SLC12A2: variants seen among roughly 807,000 people sequenced by gnomAD.
SLC12A2 encodes Na-K-2Cl cotransporter 1.
In SLC12A2, 67 loss-of-function variants were observed where a neutral mutation model predicts 136.3. That is an observed-to-expected ratio of 0.49 (90% confidence interval 0.40 to 0.60). The LOEUF is 0.60. SLC12A2 is among the 20% of genes least tolerant of loss of function. The pLI is 0.00. For synonymous variants in SLC12A2, 619 were observed against 562.9 expected (o/e 1.10, Z -1.41); for missense variants, 1,322 against 1,534.7 (o/e 0.86, Z 2.32).
At chr5:128,164,296 T>C (rs1763134294) in intron 17 of SLC12A2, among the ~76,000 whole-genome samples, 1 of 152,184 alleles carries the variant, frequency 6.6e-6, no homozygotes, top group South Asian at 2.1e-4. Context: ...TAAATGATTC[T>C]TCTGTAAATT....
chr5:128,113,881 A>G (rs1761248072), intron 2 of SLC12A2, among the ~76,000 whole-genome samples: 1 of 152,206 alleles, frequency 6.6e-6, no homozygotes, highest in Non-Finnish European at 1.5e-5. Flanking sequence ...AAAAGGGAAT[A>G]TGCACTACTT....
chr5:128,150,193 G>A (rs2126721790), intron 13 of SLC12A2, 95 bp downstream of exon 13: 1 of 754,852 alleles, frequency 1.3e-6, no homozygotes, highest in Non-Finnish European at 2.3e-6. Context: ...TATGTGTGGG[G>A]TTAGTTCATT....
intron 1 of SLC12A2, chr5:128,109,553 A>T (rs1275979422): frequency 2.9e-6 from 2 of 688,364 alleles, no homozygotes; most frequent in Non-Finnish European, 5.4e-6. Flanking sequence ...GGGTGGAGAA[A>T]GGCAGCTGAG....
chr5:128,103,073 C>T (rs1016223870), intron 1 of SLC12A2, among the ~76,000 whole-genome samples: 11 of 152,262 alleles, frequency 7.2e-5, no homozygotes, highest in East Asian at 1.9e-4. Flanking sequence ...TATCTTGCTT[C>T]ATAGAAGTAT....
chr5:128,126,474 G>T (rs1761800208), intron 4 of SLC12A2, among the ~76,000 whole-genome samples: 1 of 152,110 alleles, frequency 6.6e-6, no homozygotes, highest in Non-Finnish European at 1.5e-5. Context: ...CAGTTTGGAA[G>T]TTCCTCAGAA....
At chr5:128,163,788 T>C (rs1445771061) in intron 17 of SLC12A2, among the ~76,000 whole-genome samples, 2 of 152,188 alleles carry the variant, frequency 1.3e-5, no homozygotes, top group Non-Finnish European at 1.5e-5. Context: ...TGTATGCATT[T>C]CTAAGTAATA....
At chr5:128,147,397 A>G (rs1405282410) in intron 10 of SLC12A2, among the ~76,000 whole-genome samples, 1 of 151,688 alleles carries the variant, frequency 6.6e-6, no homozygotes, top group Non-Finnish European at 1.5e-5. Flanking sequence ...TCTCTCTGCC[A>G]TTGTGTGTGT....
chr5:128,103,079 A>G (rs537873952), intron 1 of SLC12A2, among the ~76,000 whole-genome samples: 26 of 152,336 alleles, frequency 1.7e-4, no homozygotes, highest in African/African-American at 6.0e-4. Context: ...GCTTCATAGA[A>G]GTATTGTATA....
intron 4 of SLC12A2, among the ~76,000 whole-genome samples, chr5:128,121,136 A>G (rs1370578145): frequency 6.6e-6 from 1 of 152,182 alleles, no homozygotes; most frequent in African/African-American, 2.4e-5. Flanking sequence ...GATTAAACAG[A>G]TATCAATCTA....
At chr5:128,184,304 G>C in intron 24 of SLC12A2, 62 bp from the exon 25 acceptor site, 3 of 1,069,912 alleles carry the variant, frequency 2.8e-6, no homozygotes, top group Non-Finnish European at 3.9e-6. Context: ...TAATATTTAA[G>C]ATCTTCCTGT....
chr5:128,177,306 TC>T (rs1763569124), intron 21 of SLC12A2, among the ~76,000 whole-genome samples, 154 bp downstream of exon 21: 1 of 152,120 alleles, frequency 6.6e-6, no homozygotes, highest in South Asian at 2.1e-4. Context: ...TTATTATTAG[TC>T]TAACTAAAAA....
At chr5:128,169,306 A>T (rs867487876) in intron 18 of SLC12A2, 1 of 152,100 alleles carries the variant, frequency 6.6e-6, no homozygotes, top group Admixed American at 6.5e-5. Flanking sequence ...TTTTGATCTG[A>T]TCACCCTTTT....
At chr5:128,184,335 T>G (rs763693863) in intron 24 of SLC12A2, 31 bp from the exon 25 acceptor site, 1 of 1,335,194 alleles carries the variant, frequency 7.5e-7, no homozygotes, top group South Asian at 1.6e-5. Context: ...AAAATAAGAT[T>G]AGTTGTCAGT....
intron 26 of SLC12A2, among the ~76,000 whole-genome samples, 171 bp from the exon 27 acceptor site, chr5:128,186,325 A>G (rs912397945): frequency 2.0e-5 from 3 of 152,168 alleles, no homozygotes; most frequent in African/African-American, 7.2e-5. Context: ...AAGCAACACA[A>G]CTGTGGTTGT....
intron 4 of SLC12A2, among the ~76,000 whole-genome samples, chr5:128,129,138 CAA>C (rs1761922532): frequency 6.6e-6 from 1 of 152,010 alleles, no homozygotes; most frequent in Non-Finnish European, 1.5e-5. Context: ...CTACTAAAGA[CAA>C]GAGTGTTGAC....
At chr5:128,131,464 C>T (rs1170908886) in intron 5 of SLC12A2, among the ~76,000 whole-genome samples, 1 of 150,646 alleles carries the variant, frequency 6.6e-6, no homozygotes, top group African/African-American at 2.5e-5. Context: ...GAGATCGAGG[C>T]GAGCGGATCA....
Position 128,184,353 on chromosome 5 carries a change from C to T in SLC12A2, c.3300-13C>T. On this transcript the variant is annotated splice_polypyrimidine_tract_variant and intron_variant, in intron 24 of 26. Transcript: ENST00000262461. ...ATAAGATTAGTTGTCAGTATTCTTTCTGTTTTTTAAAGTATTATAGCTTTT... is the reference window on the plus strand; with the variant it reads ...ATAAGATTAGTTGTCAGTATTCTTTTTGTTTTTTAAAGTATTATAGCTTTT... 6.9e-7 allele frequency: 1 copy of T among 1,455,588 alleles called. No homozygotes were observed. The highest frequency in any genetic ancestry group is 2.4e-5 in the Admixed American group (1 of 41,714). 90.2% of individuals were successfully genotyped at this position (1,455,588 alleles called of 1,614,324 possible). A position where few individuals can be genotyped will look rare whatever the true frequency, so the allele number is the denominator to read the frequency against.
intron 21 of SLC12A2, 195 bp from the exon 22 acceptor site, chr5:128,178,372 T>C: frequency 2.9e-6 from 1 of 348,204 alleles, no homozygotes; most frequent in Non-Finnish European, 5.1e-6. Context: ...TAAAGAGTTA[T>C]TTCTCTCTAG....
At chr5:128,100,084 T>G (rs1402259828) in intron 1 of SLC12A2, among the ~76,000 whole-genome samples, 1 of 152,174 alleles carries the variant, frequency 6.6e-6, no homozygotes, top group African/African-American at 2.4e-5. Flanking sequence ...GTTTGTTTAT[T>G]CCAGCATCAC....
Sources: allele counts gnomAD v4.1 joint callset (sites outside exome capture counted in the v4.1 genomes callset), GRCh38; gene constraint gnomAD v4.1.1; transcripts MANE v1.5; gene names NCBI Gene and HGNC (gene_info 2026-07-23, HGNC 2026-07-21).